NR3C2: variants seen among roughly 807,000 people sequenced by gnomAD.
NR3C2 encodes mineralocorticoid receptor.
A neutral mutation model predicts 86.4 loss-of-function variants in NR3C2; 15 were observed. The observed-to-expected ratio is 0.17, with a 90% CI of 0.12 to 0.27. NR3C2 has a LOEUF of 0.27. Ranked by LOEUF, NR3C2 falls within the 10% of genes least tolerant of loss-of-function variation. The probability of loss-of-function intolerance (pLI) is 1.00; values close to 1 mark genes in which losing one functional copy is unlikely to be tolerated. For synonymous variants in NR3C2, 458 were observed against 450.5 expected, an observed-to-expected ratio of 1.02 and a Z score of -0.21; for missense variants, 960 against 1,195.6, an observed-to-expected ratio of 0.80 and a Z score of 2.91.
intron 3 of NR3C2, among the ~76,000 whole-genome samples, chr4:148,214,364 T>TAG (rs1560981612): frequency 2.6e-5 from 4 of 151,378 alleles, no homozygotes; most frequent in African/African-American, 9.7e-5. Flanking sequence ...TTTGAAGAGT[T>TAG]TTTTTTTTTA....
intron 2 of NR3C2, among the ~76,000 whole-genome samples, chr4:148,432,211 T>G (rs1273365481): frequency 1.3e-5 from 2 of 152,158 alleles, no homozygotes; most frequent in East Asian, 3.8e-4. Context: ...CTGCTGGATT[T>G]TCATTGCTAC....
intron 3 of NR3C2, among the ~76,000 whole-genome samples, chr4:148,201,990 A>G (rs773136080): frequency 5.3e-5 from 8 of 152,188 alleles, no homozygotes; most frequent in Admixed American, 6.5e-5. Flanking sequence ...GACACCTACA[A>G]ATACTCTTGA....
chr4:148,385,747 C>T (rs1260533824), intron 2 of NR3C2, among the ~76,000 whole-genome samples: 1 of 152,130 alleles, frequency 6.6e-6, no homozygotes, highest in East Asian at 1.9e-4. Flanking sequence ...CATACTCCCC[C>T]ATGCCACCTG....
At chr4:148,136,038 C>T (rs1341766634) in intron 6 of NR3C2, among the ~76,000 whole-genome samples, 1 of 83,042 alleles carries the variant, frequency 1.2e-5, no homozygotes, top group Non-Finnish European at 2.2e-5. Flanking sequence ...GCCTGGGCGA[C>T]AGAGCGAGAC....
intron 2 of NR3C2, among the ~76,000 whole-genome samples, chr4:148,361,091 G>A (rs373176061): frequency 3.3e-5 from 5 of 152,038 alleles, no homozygotes; most frequent in African/African-American, 7.2e-5. Context: ...GTATTCTAGC[G>A]CCTGATAATG....
chr4:148,234,806 C>G (rs1329487266), intron 3 of NR3C2, among the ~76,000 whole-genome samples: 1 of 151,870 alleles, frequency 6.6e-6, no homozygotes, highest in African/African-American at 2.4e-5. Context: ...TTTTCTCCCT[C>G]TATTTTCTTA....
intron 2 of NR3C2, among the ~76,000 whole-genome samples, chr4:148,307,116 A>G (rs192638392): frequency 6.6e-6 from 1 of 152,108 alleles, no homozygotes; most frequent in East Asian, 1.9e-4. Flanking sequence ...AAACCATGTT[A>G]TAATCAAACA....
At chr4:148,082,707 C>A (rs542737582) in intron 8 of NR3C2, among the ~76,000 whole-genome samples, 19 of 144,804 alleles carry the variant, frequency 1.3e-4, no homozygotes, top group Non-Finnish European at 1.9e-4. Context: ...ATCTGGAACA[C>A]CAGCGAGACA....
intron 2 of NR3C2, among the ~76,000 whole-genome samples, chr4:148,411,937 A>G (rs1342364150): frequency 6.6e-6 from 1 of 152,196 alleles, no homozygotes; most frequent in African/African-American, 2.4e-5. Flanking sequence ...ATAAAACTTA[A>G]CGCTGCACAT....
intron 2 of NR3C2, among the ~76,000 whole-genome samples, chr4:148,378,629 T>C (rs1249346233): frequency 3.9e-5 from 6 of 152,188 alleles, no homozygotes; most frequent in Admixed American, 3.9e-4. Context: ...TTCCTCATAC[T>C]TCAGCCATGT....
At chr4:148,162,741 A>C (rs962259943) in intron 4 of NR3C2, among the ~76,000 whole-genome samples, 2 of 152,188 alleles carry the variant, frequency 1.3e-5, no homozygotes, top group African/African-American at 4.8e-5. Flanking sequence ...GAGCTGCAGC[A>C]GTGGTGAGGC....
At chr4:148,311,228 T>C (rs1361487836) in intron 2 of NR3C2, among the ~76,000 whole-genome samples, 5 of 152,164 alleles carry the variant, frequency 3.3e-5, no homozygotes, top group Admixed American at 1.3e-4. Context: ...TCTATTCTTA[T>C]GACTCTCAAA....
intron 3 of NR3C2, among the ~76,000 whole-genome samples, chr4:148,246,802 C>A (rs1739337723): frequency 6.6e-6 from 1 of 152,202 alleles, no homozygotes; most frequent in African/African-American, 2.4e-5. Context: ...ATCCGCCCCG[C>A]CTTGGCCTCC....
intron 4 of NR3C2, among the ~76,000 whole-genome samples, chr4:148,164,805 G>T (rs1210131197): frequency 1.3e-5 from 2 of 152,210 alleles, no homozygotes; most frequent in African/African-American, 4.8e-5. Flanking sequence ...AATAAGTTAT[G>T]AGAAAGAGAC....
intron 2 of NR3C2, among the ~76,000 whole-genome samples, chr4:148,428,113 A>G (rs542998184): frequency 2.0e-5 from 3 of 152,326 alleles, no homozygotes; most frequent in Non-Finnish European, 4.4e-5. Flanking sequence ...AAGTATAGTA[A>G]TAACCCAAAC....
At chr4:148,302,198 G>A (rs1742372665) in intron 2 of NR3C2, among the ~76,000 whole-genome samples, 1 of 152,120 alleles carries the variant, frequency 6.6e-6, no homozygotes, top group African/African-American at 2.4e-5. Context: ...TGTGACATTG[G>A]AATAAAGAAA....
At chr4:148,318,869 T>C (rs1311868244) in intron 2 of NR3C2, among the ~76,000 whole-genome samples, 5 of 150,682 alleles carry the variant, frequency 3.3e-5, no homozygotes, top group Non-Finnish European at 5.9e-5. Flanking sequence ...GTGCAGAAGC[T>C]CTTTAGTTTA....
intron 1 of NR3C2, among the ~76,000 whole-genome samples, chr4:148,439,989 G>A (rs1560739990): frequency 6.6e-6 from 1 of 152,138 alleles, no homozygotes; most frequent in Non-Finnish European, 1.5e-5. Context: ...CATAAAATAG[G>A]CTGTGTTTCA....
chr4:148,196,520 T>C (rs1026441727), intron 3 of NR3C2, among the ~76,000 whole-genome samples: 18 of 152,302 alleles, frequency 1.2e-4, no homozygotes, highest in Admixed American at 1.2e-3. Context: ...AGGCCCACTG[T>C]TTACTGCAAA....
Sources: gnomAD v4.1 joint callset for allele counts (sites outside exome capture counted in the v4.1 genomes callset) on GRCh38, gnomAD v4.1.1 for gene constraint, MANE v1.5 for transcripts, NCBI Gene and HGNC (gene_info 2026-07-23, HGNC 2026-07-21) for gene names.